EYS: variants seen among roughly 807,000 people sequenced by gnomAD.
The protein encoded by EYS is protein eyes shut homolog.
Under a neutral mutation model 282.1 loss-of-function variants are expected in EYS, and 250 were observed. The ratio of observed to expected loss-of-function variants is 0.89; its 90% CI spans 0.80 to 0.98. The LOEUF is 0.98. Among genes scored for constraint, EYS ranks in the 50% least tolerant of loss-of-function variants. The probability of loss-of-function intolerance (pLI) is 0.00; values close to 1 mark genes in which losing one functional copy is unlikely to be tolerated. For synonymous variants in EYS, 1,355 were observed against 1,282.9 expected (o/e 1.06, Z -1.20); for missense variants, 4,016 against 3,709.0 (o/e 1.08, Z -2.15).
chr6:65,216,062 GCATGGTACACAA>G (rs1478058091), intron 12 of EYS, among the ~76,000 whole-genome samples: 1 of 152,110 alleles, frequency 6.6e-6, no homozygotes, highest in African/African-American at 2.4e-5. Flanking sequence ...TCTTTTGTCA[GCATGGTACACAA>G]AGATGTACTT....
chr6:65,255,882 C>T (rs1394581423), intron 12 of EYS, among the ~76,000 whole-genome samples: 1 of 151,844 alleles, frequency 6.6e-6, no homozygotes, highest in Non-Finnish European at 1.5e-5. Flanking sequence ...AAAGGGTAAC[C>T]CACAAGCACT....
At chr6:64,932,025 G>T (rs1768743006) in intron 15 of EYS, among the ~76,000 whole-genome samples, 2 of 152,074 alleles carry the variant, frequency 1.3e-5, no homozygotes, top group South Asian at 4.1e-4. Flanking sequence ...GATAAATATA[G>T]TTAAAATAAG....
chr6:63,740,826 G>A (rs923365450), intron 41 of EYS, among the ~76,000 whole-genome samples: 1 of 152,132 alleles, frequency 6.6e-6, no homozygotes, highest in South Asian at 2.1e-4. Context: ...GCCACAAATA[G>A]GACTTCACAG....
intron 28 of EYS, among the ~76,000 whole-genome samples, chr6:64,400,795 T>C (rs76860714): frequency 0.031 from 4,724 of 152,154 alleles, 231 homozygotes; most frequent in African/African-American, 0.11. Context: ...CTTTTTTGCA[T>C]AATTGTATGT....
Position 65,583,706 on chromosome 6 carries a change from T to A in EYS, c.-333+56072A>T, listed in dbSNP as rs537453253. ...ATAATGGTCTAAAGTGGCTCTCTGT[T>A]TAAGAAAGCAATTGATGCAATTGGA... On this transcript the variant is annotated intron_variant, in intron 2 of 42. Coordinates refer to ENST00000503581, the MANE Select transcript of EYS (RefSeq NM_001142800.2). Among the ~76,000 whole-genome samples, 21 of 152,192 alleles carry A rather than the reference T, an allele frequency of 1.4e-4. No individual in the cohort carries two copies. The South Asian group carries it at 4.1e-3, about 30-fold the overall frequency.
rs1768493502 is a variant in EYS at position 65,443,393 on chromosome 6, T to TGC, written c.863-38027_863-38026insGC. ...ATGTACACATATAGACATATATGCA[T>TGC]ACATGTATGTACACATATAGCCATA... On this transcript the variant is annotated intron_variant, in intron 5 of 42. Coordinates refer to ENST00000503581, the MANE Select transcript of EYS (RefSeq NM_001142800.2). 8.6e-5 allele frequency among the ~76,000 whole-genome samples: 9 copies of TGC among 104,828 alleles called. 2 individuals are homozygous for TGC. The highest frequency in any genetic ancestry group is 3.3e-4 in the Admixed American group (3 of 9,040). 68.8% of individuals were successfully genotyped at this position (104,828 alleles called of 152,430 possible).
At chr6:65,430,961 T>C (rs1357371919) in intron 5 of EYS, among the ~76,000 whole-genome samples, 1 of 152,102 alleles carries the variant, frequency 6.6e-6, no homozygotes, top group African/African-American at 2.4e-5. Context: ...TTACCAACCT[T>C]GGTGGCCATG....
intron 28 of EYS, among the ~76,000 whole-genome samples, chr6:64,413,895 A>T (rs1773983840): frequency 6.6e-6 from 1 of 152,142 alleles, no homozygotes; most frequent in South Asian, 2.1e-4. Context: ...ATTCCTCATG[A>T]ATAAGATTAG....
At chr6:64,816,067 C>T in intron 21 of EYS, among the ~76,000 whole-genome samples, 1 of 152,028 alleles carries the variant, frequency 6.6e-6, no homozygotes, top group East Asian at 1.9e-4. Flanking sequence ...CTCATGGCAT[C>T]ACGTTTTATT....
intron 19 of EYS, among the ~76,000 whole-genome samples, chr6:64,830,959 C>T (rs559547491): frequency 7.9e-5 from 12 of 152,076 alleles, no homozygotes; most frequent in South Asian, 6.2e-4. Flanking sequence ...CTCTGCTGTG[C>T]AATGAGTGAA....
At chr6:64,433,581 A>G (rs1774640881) in intron 28 of EYS, among the ~76,000 whole-genome samples, 6 of 152,060 alleles carry the variant, frequency 3.9e-5, no homozygotes, top group Admixed American at 1.3e-4. Flanking sequence ...TAGATCAGAT[A>G]TAGACAGGGT....
intron 22 of EYS, among the ~76,000 whole-genome samples, chr6:64,709,854 C>CT (rs1583067036): frequency 6.6e-6 from 1 of 152,198 alleles, no homozygotes; most frequent in East Asian, 1.9e-4. Flanking sequence ...GTGATTTTTT[C>CT]TTTAGGCATA....
chr6:65,596,970 A>T (rs1765430372), intron 2 of EYS, among the ~76,000 whole-genome samples: 1 of 152,102 alleles, frequency 6.6e-6, no homozygotes, highest in African/African-American at 2.4e-5. Context: ...TCTGCTTTCA[A>T]CAAAGAGAGA....
chr6:64,091,911 C>A (rs1772377096), intron 31 of EYS, among the ~76,000 whole-genome samples: 1 of 152,120 alleles, frequency 6.6e-6, no homozygotes, highest in Non-Finnish European at 1.5e-5. Context: ...TCTCCCCACC[C>A]CACAACAGGC....
At position 63,721,225 on chromosome 6, in the gene EYS, T is replaced by C. The variant is rs1315748315; in HGVS notation, c.8806A>G (p.Ser2936Gly). The C allele has an allele frequency of 6.4e-7, 1 of 1,551,776 alleles. No homozygotes were observed. The highest frequency in any genetic ancestry group is 2.4e-5 in the East Asian group (1 of 40,910). ...ACCCAACCCAAAGTACACAGGCAACTGTAAGAAAATGATTGGTCAGGTATA... is the reference window on the plus strand; with the variant it reads ...ACCCAACCCAAAGTACACAGGCAACCGTAAGAAAATGATTGGTCAGGTATA... ...LCIPDQSFSY[S>G]CLCTLGWVGR... The change falls in exon 43 of 43, where the codon AGT (serine) becomes GGT (glycine). Residue 2936 changes from serine (S) to glycine (G), a missense_variant. Ser to Gly is a moderately conservative substitution (Grantham distance 56). Transcript: ENST00000503581.
chr6:65,575,166 C>A (rs1050598528), intron 2 of EYS, among the ~76,000 whole-genome samples: 2 of 151,792 alleles, frequency 1.3e-5, no homozygotes, highest in South Asian at 4.2e-4. Flanking sequence ...GCTAAAAATA[C>A]AAAATTTTTT....
At chr6:64,608,303 G>A (rs1319918078) in intron 24 of EYS, among the ~76,000 whole-genome samples, 2 of 152,106 alleles carry the variant, frequency 1.3e-5, no homozygotes, top group Non-Finnish European at 1.5e-5. Flanking sequence ...ACTTATTGAA[G>A]AGGAGAAAAG....
chr6:65,134,045 A>C (rs1775955142), intron 12 of EYS, among the ~76,000 whole-genome samples: 1 of 152,182 alleles, frequency 6.6e-6, no homozygotes, highest in Non-Finnish European at 1.5e-5. Flanking sequence ...AATGCAAATC[A>C]AAACCACAAT....
intron 12 of EYS, among the ~76,000 whole-genome samples, chr6:65,091,906 T>C (rs957222246): frequency 2.6e-5 from 4 of 152,052 alleles, no homozygotes; most frequent in African/African-American, 9.7e-5. Flanking sequence ...AAAGAATAAG[T>C]CCACATCCCA....
Sources: gnomAD v4.1 joint callset for allele counts (sites outside exome capture counted in the v4.1 genomes callset) on GRCh38, gnomAD v4.1.1 for gene constraint, MANE v1.5 for transcripts, NCBI Gene and HGNC (gene_info 2026-07-23, HGNC 2026-07-21) for gene names.